The following CNTNAP5 variants were observed in gnomAD, a reference collection of about 807,000 sequenced individuals.
The protein encoded by CNTNAP5 is contactin associated protein family member 5, also known as contactin-associated protein-like 5.
CNTNAP5 carries 72 observed loss-of-function variants against 150.2 expected under a neutral mutation model. That is an observed-to-expected ratio of 0.48 (90% CI 0.40 to 0.58). CNTNAP5 has a LOEUF of 0.58. Among genes scored for constraint, CNTNAP5 ranks in the 20% least tolerant of loss-of-function variants. CNTNAP5 has a pLI of 0.00. For synonymous variants in CNTNAP5, 672 were observed against 619.8 expected, an observed-to-expected ratio of 1.08 and a Z score of -1.25; for missense variants, 1,636 against 1,626.2, an observed-to-expected ratio of 1.01 and a Z score of -0.10.
chr2:124,763,773 T>C lies in CNTNAP5; in HGVS notation c.2336T>C (p.Ile779Thr), dbSNP rs763280728. 7 of 1,613,190 alleles carry C rather than the reference T, an allele frequency of 4.3e-6. No homozygotes were observed. The highest frequency in any genetic ancestry group is 1.1e-5 in the South Asian group (1 of 91,046). ...DRSNSEAAWR[I>T]GPLRCYGDRR... Reference sequence around the variant, plus strand: ...TCAAACTCAGAAGCCGCTTGGAGAATTGGTCCCTTGCGTTGCTATGGTGAC... The same window carrying C: ...TCAAACTCAGAAGCCGCTTGGAGAACTGGTCCCTTGCGTTGCTATGGTGAC... Residue 779 changes from isoleucine to threonine, a missense_variant, in exon 15 of 24, where the codon ATT becomes ACT. Ile to Thr is a moderately conservative substitution (Grantham distance 89). Coordinates refer to ENST00000682447, the MANE Select transcript of CNTNAP5 (RefSeq NM_001367498.1).
At chr2:124,733,149 C>T (rs1680308453) in intron 13 of CNTNAP5, among the ~76,000 whole-genome samples, 1 of 151,040 alleles carries the variant, frequency 6.6e-6, no homozygotes. Flanking sequence ...ATATTCTAAA[C>T]ACACACACAC....
chr2:124,791,460 A>G (rs1377657827), intron 18 of CNTNAP5, among the ~76,000 whole-genome samples: 1 of 152,172 alleles, frequency 6.6e-6, no homozygotes, highest in Admixed American at 6.5e-5. Context: ...GTCTCTGAAC[A>G]ACTTCCCCTG....
intron 21 of CNTNAP5, among the ~76,000 whole-genome samples, chr2:124,881,787 A>C (rs895581463): frequency 6.6e-6 from 1 of 152,084 alleles, no homozygotes; most frequent in Admixed American, 6.6e-5. Flanking sequence ...TGGTCCTTGA[A>C]GGCAGGAACA....
Position 124,909,826 on chromosome 2 carries a change from CATATATATATATATAT to C in CNTNAP5, c.3656-1624_3656-1609del, listed in dbSNP as rs368913883. Among the ~76,000 whole-genome samples the C allele has an allele frequency of 4.4e-4, 33 of 74,612 alleles. 1 individual carries two copies. The highest frequency in any genetic ancestry group is 5.7e-4 in the Non-Finnish European group (23 of 40,328). The allele number at this position is 74,612 out of a possible 152,430, so 48.9% of individuals were successfully genotyped here. A position where few individuals can be genotyped will look rare whatever the true frequency, so the allele number is the denominator to read the frequency against. On this transcript the variant is annotated intron_variant, in intron 22 of 23. Coordinates refer to ENST00000682447, the MANE Select transcript of CNTNAP5 (RefSeq NM_001367498.1). ...TCACCCCATCGTTATCAATTGGTGA[CATATATATATATATAT>C]ATATATATATATATATGTTCTTCTC...
intron 19 of CNTNAP5, among the ~76,000 whole-genome samples, chr2:124,861,535 C>A (rs1054723639): frequency 5.9e-5 from 9 of 151,898 alleles, no homozygotes; most frequent in Non-Finnish European, 1.2e-4. Flanking sequence ...TTGCAGTGAG[C>A]CGAGATCACG....
chr2:124,432,742 A>G (rs1692422107), intron 4 of CNTNAP5, among the ~76,000 whole-genome samples: 1 of 152,222 alleles, frequency 6.6e-6, no homozygotes, highest in African/African-American at 2.4e-5. Flanking sequence ...AACATGACAG[A>G]AAAAGAAGCT....
chr2:124,823,922 C>CTTT (rs758235068), intron 19 of CNTNAP5, among the ~76,000 whole-genome samples: 2 of 140,400 alleles, frequency 1.4e-5, no homozygotes, highest in African/African-American at 5.3e-5. Flanking sequence ...TTTTTTTTTT[C>CTTT]TTTTTTTTTT....
At chr2:124,750,669 T>C (rs547037423) in intron 14 of CNTNAP5, among the ~76,000 whole-genome samples, 2 of 151,868 alleles carry the variant, frequency 1.3e-5, no homozygotes, top group African/African-American at 4.8e-5. Flanking sequence ...GGTACAAAAG[T>C]AATGGTGGTT....
At chr2:124,253,287 T>C (rs1187732860) in intron 3 of CNTNAP5, among the ~76,000 whole-genome samples, 17 of 152,096 alleles carry the variant, frequency 1.1e-4, no homozygotes, top group Admixed American at 9.8e-4. Flanking sequence ...TTACCGTATA[T>C]ACTTTTGTAT....
chr2:124,773,851 T>C (rs1681258601), intron 17 of CNTNAP5, among the ~76,000 whole-genome samples: 1 of 151,754 alleles, frequency 6.6e-6, no homozygotes, highest in African/African-American at 2.4e-5. Context: ...ACTACATTTA[T>C]GTTGGCATTT....
At chr2:124,787,992 C>A (rs1279508443) in intron 17 of CNTNAP5, among the ~76,000 whole-genome samples, 1 of 152,184 alleles carries the variant, frequency 6.6e-6, no homozygotes, top group African/African-American at 2.4e-5. Flanking sequence ...ATTTTCCCTT[C>A]CACCTTTTCC....
intron 1 of CNTNAP5, among the ~76,000 whole-genome samples, chr2:124,062,278 T>G (rs2104654738): frequency 1.3e-5 from 2 of 152,340 alleles, no homozygotes; most frequent in South Asian, 4.1e-4. Context: ...ATATATTCCT[T>G]GCTACCTCTC....
chr2:124,242,558 C>T (rs1686914281), intron 3 of CNTNAP5, 165 bp downstream of exon 3: 1 of 630,286 alleles, frequency 1.6e-6, no homozygotes, highest in Non-Finnish European at 2.6e-6. Flanking sequence ...CGGCATGGTT[C>T]TACTTCCTAG....
chr2:124,027,953 A>G (rs1217843874), intron 1 of CNTNAP5, among the ~76,000 whole-genome samples: 1 of 152,156 alleles, frequency 6.6e-6, no homozygotes, highest in Non-Finnish European at 1.5e-5. Context: ...CAATTCCTTT[A>G]GATTTCTACT....
At chr2:124,722,359 T>A (rs1174950580) in intron 13 of CNTNAP5, among the ~76,000 whole-genome samples, 1 of 152,142 alleles carries the variant, frequency 6.6e-6, no homozygotes, top group Non-Finnish European at 1.5e-5. Context: ...TTTCTCCAGC[T>A]GTAAACCTGG....
rs1678040680 is a variant in CNTNAP5, at chr2:124,884,591, A to G, written c.3436+14829A>G. Among the ~76,000 whole-genome samples the G allele has an allele frequency of 4.0e-5, 6 of 151,882 alleles. 1 individual carries two copies. The highest frequency in any genetic ancestry group is 3.9e-4 in the Admixed American group (6 of 15,228). On this transcript the variant is annotated intron_variant, in intron 21 of 23. Coordinates refer to ENST00000682447, the MANE Select transcript of CNTNAP5 (RefSeq NM_001367498.1). Reference sequence around the variant, plus strand: ...CTGGGCCTTTAGTTAGATAACTCCAATGTCTTTATCTTTAGCTCATTTATC... The same window carrying G: ...CTGGGCCTTTAGTTAGATAACTCCAGTGTCTTTATCTTTAGCTCATTTATC...
intron 1 of CNTNAP5, among the ~76,000 whole-genome samples, chr2:124,123,193 C>T (rs188807229): frequency 6.6e-6 from 1 of 152,258 alleles, no homozygotes. Context: ...AATCAGGACA[C>T]TCCCACCCTA....
intron 11 of CNTNAP5, among the ~76,000 whole-genome samples, chr2:124,591,946 A>G (rs542318528): frequency 3.0e-4 from 46 of 152,178 alleles, no homozygotes; most frequent in African/African-American, 1.1e-3. Context: ...ATAAGTTCAT[A>G]CCCCCATTTA....
At chr2:124,715,955 A>G (rs1679935652) in intron 13 of CNTNAP5, among the ~76,000 whole-genome samples, 1 of 152,176 alleles carries the variant, frequency 6.6e-6, no homozygotes, top group Non-Finnish European at 1.5e-5. Context: ...ATTGAAATAT[A>G]CCAAAAAGCG....
Sources: allele counts gnomAD v4.1 joint callset (sites outside exome capture counted in the v4.1 genomes callset), GRCh38; gene constraint gnomAD v4.1.1; transcripts MANE v1.5; gene names NCBI Gene and HGNC (gene_info 2026-07-23, HGNC 2026-07-21).